The following PITPNM2 variants were observed in gnomAD, a reference collection of about 807,000 sequenced individuals.
PITPNM2 encodes the protein phosphatidylinositol transfer protein membrane associated 2.
Under a neutral mutation model 132.2 loss-of-function variants are expected in PITPNM2, and 35 were observed. That is an observed-to-expected ratio of 0.26 (90% CI 0.20 to 0.35). The LOEUF (loss-of-function observed/expected upper bound fraction) is 0.35. Ranked by LOEUF, PITPNM2 falls within the 10% of genes least tolerant of loss-of-function variation. The probability of loss-of-function intolerance (pLI) is 1.00; values close to 1 mark genes in which losing one functional copy is unlikely to be tolerated. For synonymous variants in PITPNM2, 738 were observed against 799.2 expected, an observed-to-expected ratio of 0.92 and a Z score of 1.29; for missense variants, 1,332 against 1,912.0, an observed-to-expected ratio of 0.70 and a Z score of 5.66.
intron 2 of PITPNM2, among the ~76,000 whole-genome samples, chr12:123,094,169 G>T (rs1211893979): frequency 6.6e-6 from 1 of 152,272 alleles, no homozygotes; most frequent in Non-Finnish European, 1.5e-5. Context: ...ACAGAGCCAG[G>T]TGACACATTT....
intron 2 of PITPNM2, among the ~76,000 whole-genome samples, chr12:123,045,929 G>C (rs2040638469): frequency 6.6e-6 from 1 of 152,028 alleles, no homozygotes; most frequent in Admixed American, 6.6e-5. Flanking sequence ...GCTGAGTGGG[G>C]TACAGACCCA....
intron 3 of PITPNM2, among the ~76,000 whole-genome samples, chr12:123,020,707 G>A (rs2039631213): frequency 6.6e-6 from 1 of 152,082 alleles, no homozygotes; most frequent in Non-Finnish European, 1.5e-5. Flanking sequence ...AGGAGAGAAG[G>A]GAGAGGCCGG....
At chr12:123,118,800 G>C (rs1051425076) in intron 1 of PITPNM2, among the ~76,000 whole-genome samples, 3 of 152,138 alleles carry the variant, frequency 2.0e-5, no homozygotes, top group Admixed American at 6.5e-5. Context: ...ATGTCAACAC[G>C]GCAGCACCAT....
rs2136478659 is a variant in PITPNM2, at chr12:123,036,210, A to AAG, written c.-95-1526_-95-1525insCT. On this transcript the variant is annotated intron_variant, in intron 2 of 25. Transcript: ENST00000320201. The surrounding 1 kb of genome is among the most constrained non-coding windows in gnomAD (Gnocchi z 4.1). ...GTGCTAAAGCATTACTGGGTAGCTA[A>AAG]CAAGGTTGAGAAAAACATTTATCAG... Among the ~76,000 whole-genome samples, 1 of 152,340 alleles carries AAG rather than the reference A, an allele frequency of 6.6e-6. No homozygotes were observed. Among genetic ancestry groups the AAG allele is most frequent in the African/African-American group, 2.4e-5 (1 of 41,568 alleles).
chr12:123,113,398 C>A (rs1032947752), intron 1 of PITPNM2, among the ~76,000 whole-genome samples: 1 of 152,180 alleles, frequency 6.6e-6, no homozygotes, highest in Admixed American at 6.5e-5. Flanking sequence ...ATAATTCACA[C>A]ACCATAAAAC....
At chr12:123,149,091 A>T (rs923017891) in intron 1 of PITPNM2, among the ~76,000 whole-genome samples, 7 of 152,204 alleles carry the variant, frequency 4.6e-5, no homozygotes, top group African/African-American at 1.7e-4. Context: ...AGATTCCATA[A>T]GGTGCAACCA....
intron 2 of PITPNM2, among the ~76,000 whole-genome samples, chr12:123,079,731 T>C (rs1232356745): frequency 1.3e-5 from 2 of 152,236 alleles, no homozygotes; most frequent in African/African-American, 4.8e-5. Context: ...ATATTCACCA[T>C]CTAGATTCTA....
rs1362498180 is a variant in PITPNM2, at chr12:123,034,538, C to T, written c.53G>A (p.Arg18His). ...IPLPMTVEEYRIAQLYMIQKK... is the reference protein window; with the variant it reads ...IPLPMTVEEYHIAQLYMIQKK... ...CTGTATCATGTACAGCTGGGCGATG[C>T]GGTACTCCTCCACGGTCATTGGCAG... The change falls in exon 3 of 26, where the codon CGC becomes CAC. Residue 18 changes from arginine (R) to histidine (H), a missense_variant. Physicochemically the swap from Arg to His is conservative, Grantham distance 29. Around this residue, in one of 6 missense-constraint regions of PITPNM2, gnomAD observed 83 missense variants for 118.7 expected, o/e 0.70. Coordinates refer to ENST00000320201, the MANE Select transcript of PITPNM2 (RefSeq NM_020845.3). 6.8e-6 allele frequency: 11 copies of T among 1,614,162 alleles called. No individual in the cohort carries two copies. The highest frequency in any genetic ancestry group is 1.7e-4 in the Middle Eastern group (1 of 6,044).
chr12:123,034,771 AC>A, intron 2 of PITPNM2, 86 bp from the exon 3 acceptor site: 1 of 595,846 alleles, frequency 1.7e-6, no homozygotes, highest in Non-Finnish European at 3.0e-6. Context: ...CCCGGTCTAC[AC>A]CTGAGGCTGG....
intron 1 of PITPNM2, among the ~76,000 whole-genome samples, chr12:123,118,330 A>T (rs1199150598): frequency 6.6e-6 from 1 of 152,206 alleles, no homozygotes; most frequent in African/African-American, 2.4e-5. Context: ...AGCTCTATCC[A>T]TACTGCCTGC....
At position 122,989,962 on chromosome 12, in the gene PITPNM2, G is replaced by A; in HGVS notation, c.2570-14C>T. On this transcript the variant is annotated splice_polypyrimidine_tract_variant and intron_variant, in intron 17 of 25. Transcript: ENST00000320201. ...CATCGGGGGCCTCTGAGAAGCAAGA[G>A]CAATGGATGGCTCAGCCACGCGGGG... is the stretch of plus-strand genomic sequence containing the variant. The A allele has an allele frequency of 2.3e-6, 3 of 1,301,716 alleles. No individual in the cohort carries two copies. Among genetic ancestry groups the A allele is most frequent in the Non-Finnish European group, 2.9e-6 (3 of 1,020,978 alleles). 80.6% of individuals were successfully genotyped at this position (1,301,716 alleles called of 1,614,324 possible).
At chr12:123,134,423 A>T (rs1214879756) in intron 1 of PITPNM2, among the ~76,000 whole-genome samples, 1 of 152,060 alleles carries the variant, frequency 6.6e-6, no homozygotes, top group African/African-American at 2.4e-5. Context: ...CCACCACTCC[A>T]CACCTCCTGC....
At chr12:123,118,654 A>T (rs2042975361) in intron 1 of PITPNM2, among the ~76,000 whole-genome samples, 1 of 152,188 alleles carries the variant, frequency 6.6e-6, no homozygotes, top group Admixed American at 6.5e-5. Context: ...TGTGCCTGGG[A>T]GGAGGAAGCA....
At position 123,005,769 on chromosome 12, in the gene PITPNM2, A is replaced by C; in HGVS notation, c.644-221T>G. 3 of 567,896 alleles carry C rather than the reference A, an allele frequency of 5.3e-6. No homozygotes were observed. The highest frequency in any genetic ancestry group is 9.3e-6 in the Non-Finnish European group (3 of 321,830). 35.2% of individuals were successfully genotyped at this position (567,896 alleles called of 1,614,324 possible). On this transcript the variant is annotated intron_variant, in intron 6 of 25. Transcript: ENST00000320201. This position sits in a 1 kb window ranked among gnomAD's most constrained non-coding sequence, Gnocchi z 6.2. ...AAGCTCATAGTGGTTCTATAATTAGAGTGGAGGGGCCTCCCAAAGCAATGT... is the reference window on the plus strand; with the variant it reads ...AAGCTCATAGTGGTTCTATAATTAGCGTGGAGGGGCCTCCCAAAGCAATGT...
chr12:122,991,071 C>T (rs1219737776), intron 16 of PITPNM2, among the ~76,000 whole-genome samples: 1 of 152,244 alleles, frequency 6.6e-6, no homozygotes, highest in East Asian at 1.9e-4. Flanking sequence ...CAGCCCACAG[C>T]AGAAGCAGCG....
At chr12:123,137,161 C>T (rs1218400991) in intron 1 of PITPNM2, among the ~76,000 whole-genome samples, 2 of 152,158 alleles carry the variant, frequency 1.3e-5, no homozygotes, top group East Asian at 1.9e-4. Flanking sequence ...TCCTGGAGCA[C>T]CAAAGAGGCG....
intron 8 of PITPNM2, among the ~76,000 whole-genome samples, chr12:123,002,591 T>C (rs371587683): frequency 6.6e-6 from 1 of 152,164 alleles, no homozygotes; most frequent in South Asian, 2.1e-4. Context: ...TTTTTTATTT[T>C]TATTTTTGTA....
At chr12:122,999,340 C>CAA (rs1382870125) in intron 10 of PITPNM2, among the ~76,000 whole-genome samples, 1 of 152,174 alleles carries the variant, frequency 6.6e-6, no homozygotes, top group Non-Finnish European at 1.5e-5. Context: ...GGCCTGGACA[C>CAA]AAACACACTC....
intron 2 of PITPNM2, among the ~76,000 whole-genome samples, chr12:123,043,144 G>A (rs1352703292): frequency 6.6e-6 from 1 of 151,980 alleles, no homozygotes; most frequent in Non-Finnish European, 1.5e-5. Context: ...AACAAGCAGA[G>A]GACCCTGCTG....
Sources: gnomAD v4.1 joint callset for allele counts (sites outside exome capture counted in the v4.1 genomes callset) on GRCh38, gnomAD v4.1.1 for gene constraint, gnomAD v4.1.1 regional missense constraint, Gnocchi (gnomAD v3.1) non-coding constraint, MANE v1.5 for transcripts, NCBI Gene and HGNC (gene_info 2026-07-23, HGNC 2026-07-21) for gene names.